ATP9B: variants seen among roughly 807,000 people sequenced by gnomAD.
ATP9B encodes ATPase phospholipid transporting 9B.
A neutral mutation model predicts 146.1 loss-of-function variants in ATP9B; 110 were observed. The observed-to-expected ratio is 0.75, with a 90% CI of 0.65 to 0.88. ATP9B has a LOEUF of 0.88. Among genes scored for constraint, ATP9B ranks in the 40% least tolerant of loss-of-function variants. The pLI is 0.00. For missense variants in ATP9B, 1,499 were observed against 1,496.4 expected (o/e 1.00, Z -0.03); for synonymous variants, 604 against 569.7 (o/e 1.06, Z -0.86).
At chr18:79,122,549 G>A (rs2094208027) in intron 4 of ATP9B, among the ~76,000 whole-genome samples, 1 of 152,062 alleles carries the variant, frequency 6.6e-6, no homozygotes, top group African/African-American at 2.4e-5. Context: ...TTTCTTACTT[G>A]TGGACATTCA....
chr18:79,134,337 A>AC (rs1392150170), intron 5 of ATP9B, among the ~76,000 whole-genome samples: 13 of 151,830 alleles, frequency 8.6e-5, no homozygotes, highest in African/African-American at 3.1e-4. Context: ...GTTATTCCCC[A>AC]CCCCAGCCCA....
intron 1 of ATP9B, among the ~76,000 whole-genome samples, chr18:79,070,322 G>T (rs972923269): frequency 6.6e-6 from 1 of 152,118 alleles, no homozygotes; most frequent in African/African-American, 2.4e-5. Context: ...TTTGTTTTCG[G>T]CCATTTGAGA....
chr18:79,098,370 A>G (rs1050410577), intron 2 of ATP9B, among the ~76,000 whole-genome samples: 2 of 147,886 alleles, frequency 1.4e-5, no homozygotes, highest in Non-Finnish European at 3.0e-5. Flanking sequence ...ACAAAAGCCA[A>G]AATTGACAAA....
At chr18:79,332,056 G>A (rs183565546) in intron 17 of ATP9B, among the ~76,000 whole-genome samples, 153 of 152,332 alleles carry the variant, frequency 1.0e-3, no homozygotes, top group Non-Finnish European at 1.8e-3. Context: ...TGGATAAATC[G>A]ATTAACACAT....
intron 1 of ATP9B, chr18:79,095,696 G>T (rs1029826146): frequency 2.0e-5 from 3 of 152,186 alleles, no homozygotes; most frequent in African/African-American, 4.8e-5. Flanking sequence ...AATACTTGAT[G>T]CAAAATTCAG....
chr18:79,225,497 A>G (rs1220175456), intron 11 of ATP9B, among the ~76,000 whole-genome samples: 2 of 152,196 alleles, frequency 1.3e-5, no homozygotes, highest in African/African-American at 4.8e-5. Flanking sequence ...TTCCTCTACC[A>G]TGTCTTCATC....
intron 5 of ATP9B, among the ~76,000 whole-genome samples, chr18:79,140,650 G>A (rs1244625844): frequency 6.6e-6 from 1 of 152,060 alleles, no homozygotes; most frequent in Non-Finnish European, 1.5e-5. Context: ...GCATGGTGGC[G>A]GGTGCTTGTA....
chr18:79,110,317 A>G, intron 2 of ATP9B, 38 bp from the exon 3 acceptor site: 1 of 1,494,186 alleles, frequency 6.7e-7, no homozygotes, highest in South Asian at 1.4e-5. Flanking sequence ...TTAAAAAGCA[A>G]AAAAAAATAC....
At chr18:79,369,532 CAAAAAAAAAAAA>C (rs67043260) in intron 26 of ATP9B, among the ~76,000 whole-genome samples, 1 of 87,990 alleles carries the variant, frequency 1.1e-5, no homozygotes, top group South Asian at 4.1e-4. Context: ...GAGTCCGTCT[CAAAAAAAAAAAA>C]AAAAAAAAAA....
At chr18:79,364,550 A>C (rs529994268) in intron 26 of ATP9B, among the ~76,000 whole-genome samples, 1 of 152,210 alleles carries the variant, frequency 6.6e-6, no homozygotes, top group Non-Finnish European at 1.5e-5. Flanking sequence ...TCCACCTCAC[A>C]CTTCATGTGA....
chr18:79,265,257 C>CT (rs1233375785), intron 12 of ATP9B, among the ~76,000 whole-genome samples: 1 of 152,142 alleles, frequency 6.6e-6, no homozygotes, highest in Non-Finnish European at 1.5e-5. Flanking sequence ...TGATCTCATT[C>CT]TTTTTTATGG....
chr18:79,343,831 T>C (rs2096871602), intron 20 of ATP9B: 2 of 254,760 alleles, frequency 7.9e-6, no homozygotes, highest in Admixed American at 1.1e-4. Flanking sequence ...TACCCTGGCC[T>C]GTTGCTCTGT....
chr18:79,264,026 A>G (rs936341961), intron 12 of ATP9B, among the ~76,000 whole-genome samples: 3 of 152,182 alleles, frequency 2.0e-5, no homozygotes, highest in Non-Finnish European at 4.4e-5. Context: ...CGGAGGTTGC[A>G]GTGAGCCGAG....
At chr18:79,209,535 C>T (rs1347883371) in intron 10 of ATP9B, 5 of 402,788 alleles carry the variant, frequency 1.2e-5, no homozygotes, top group Admixed American at 6.4e-5. Context: ...AAAGTTTTCT[C>T]TCCTGACCTC....
chr18:79,278,676 A>G (rs928355019), intron 13 of ATP9B, among the ~76,000 whole-genome samples: 5 of 152,140 alleles, frequency 3.3e-5, no homozygotes, highest in African/African-American at 9.6e-5. Flanking sequence ...GAGTTCCATT[A>G]GACTTTGTCT....
intron 2 of ATP9B, among the ~76,000 whole-genome samples, chr18:79,106,371 A>G (rs550326824): frequency 1.3e-5 from 2 of 152,102 alleles, no homozygotes; most frequent in South Asian, 2.1e-4. Flanking sequence ...TTTTAGCTCT[A>G]CTACTCAGTG....
At chr18:79,319,744 C>T (rs1413244957) in intron 15 of ATP9B, among the ~76,000 whole-genome samples, 1 of 152,196 alleles carries the variant, frequency 6.6e-6, no homozygotes. Context: ...CGGGATTAAA[C>T]TGATTGTAGA....
At chr18:79,210,400 CG>C (rs1399792309) in intron 10 of ATP9B, among the ~76,000 whole-genome samples, 5 of 152,096 alleles carry the variant, frequency 3.3e-5, no homozygotes, top group Non-Finnish European at 7.4e-5. Context: ...GTGGGCCAGC[CG>C]TGTGGTGTCT....
chr18:79,198,318 A>C (rs942315992), intron 9 of ATP9B, among the ~76,000 whole-genome samples: 2 of 152,224 alleles, frequency 1.3e-5, no homozygotes, highest in Non-Finnish European at 2.9e-5. Flanking sequence ...AAAAAGTAAA[A>C]AATAGATACC....
Sources: gnomAD v4.1 joint callset for allele counts (sites outside exome capture counted in the v4.1 genomes callset) on GRCh38, gnomAD v4.1.1 for gene constraint, MANE v1.5 for transcripts, NCBI Gene and HGNC (gene_info 2026-07-23, HGNC 2026-07-21) for gene names.